SREBF2: variants seen among roughly 807,000 people sequenced by gnomAD.
SREBF2 encodes the protein sterol regulatory element binding transcription factor 2, also known as sterol regulatory element-binding protein 2.
In SREBF2, 55 loss-of-function variants were observed where a neutral mutation model predicts 113.1. The ratio of observed to expected loss-of-function variants is 0.49; its 90% CI spans 0.39 to 0.61. The LOEUF is 0.61. Among genes scored for constraint, SREBF2 ranks in the 20% least tolerant of loss-of-function variants. The pLI, the probability that SREBF2 is intolerant of heterozygous loss-of-function variation, is 0.00. For synonymous variants in SREBF2, 593 were observed against 605.7 expected (o/e 0.98, Z 0.31); for missense variants, 1,349 against 1,487.4 (o/e 0.91, Z 1.53).
chr22:41,899,528 C>G, intron 15 of SREBF2: 4 of 991,904 alleles, frequency 4.0e-6, no homozygotes, highest in Non-Finnish European at 4.8e-6. Context: ...GACCCTTAAC[C>G]GGCGCACAGG....
At chr22:41,901,908 G>C (rs558528832) in intron 16 of SREBF2, among the ~76,000 whole-genome samples, 26 of 152,250 alleles carry the variant, frequency 1.7e-4, no homozygotes, top group Non-Finnish European at 3.4e-4. Context: ...CATGCAGCCT[G>C]ATGGCCCTCG....
chr22:41,896,764 G>A (rs962379898), intron 13 of SREBF2, among the ~76,000 whole-genome samples: 1 of 152,248 alleles, frequency 6.6e-6, no homozygotes, highest in Non-Finnish European at 1.5e-5. Context: ...GGGAGGAGAT[G>A]ACACTGGACT....
At chr22:41,867,524 C>T (rs1485254776) in intron 2 of SREBF2, among the ~76,000 whole-genome samples, 1 of 152,186 alleles carries the variant, frequency 6.6e-6, no homozygotes, top group Non-Finnish European at 1.5e-5. Context: ...ATCCAGCAAG[C>T]GGCCGGGCGC....
intron 1 of SREBF2, among the ~76,000 whole-genome samples, chr22:41,834,821 G>C (rs1261241624): frequency 6.6e-6 from 1 of 152,138 alleles, no homozygotes; most frequent in African/African-American, 2.4e-5. Context: ...GGGTAGGTGG[G>C]GGTTGGGAAC....
intron 1 of SREBF2, among the ~76,000 whole-genome samples, chr22:41,838,712 G>C (rs1335540314): frequency 1.3e-5 from 2 of 152,144 alleles, no homozygotes; most frequent in East Asian, 3.8e-4. Flanking sequence ...CAGCCTAGGT[G>C]ACAGAGCAAG....
intron 12 of SREBF2, 101 bp downstream of exon 12, chr22:41,893,386 T>C: frequency 7.5e-7 from 1 of 1,333,774 alleles, no homozygotes. Flanking sequence ...GGTTGTCTCT[T>C]AATCTTGTTG....
intron 16 of SREBF2, among the ~76,000 whole-genome samples, chr22:41,901,550 A>T (rs1207317320): frequency 1.3e-5 from 2 of 152,100 alleles, no homozygotes; most frequent in East Asian, 3.8e-4. Context: ...AATCCCAGCT[A>T]CTCAGGAGGC....
chr22:41,876,008 G>T (rs1404544216), intron 7 of SREBF2, among the ~76,000 whole-genome samples: 1 of 152,244 alleles, frequency 6.6e-6, no homozygotes, highest in African/African-American at 2.4e-5. Context: ...TGTTGTGGGG[G>T]CGTTGGGAGC....
At chr22:41,852,025 G>A (rs992242029) in intron 1 of SREBF2, among the ~76,000 whole-genome samples, 1 of 151,978 alleles carries the variant, frequency 6.6e-6, no homozygotes, top group Non-Finnish European at 1.5e-5. Context: ...GGAGGCTGAG[G>A]CAGGAGAATG....
intron 15 of SREBF2, chr22:41,899,411 C>T: frequency 1.0e-6 from 1 of 1,002,896 alleles, no homozygotes; most frequent in Non-Finnish European, 1.2e-6. Flanking sequence ...CCGGCTGTTT[C>T]TAATTGGATC....
rs1349380713 is a variant in SREBF2 at position 41,905,458 on chromosome 22, C to T, written c.3224C>T (p.Pro1075Leu). The T allele has an allele frequency of 1.3e-6, 2 of 1,576,612 alleles. No homozygotes were observed. The highest frequency in any genetic ancestry group is 1.7e-6 in the Non-Finnish European group (2 of 1,162,406). Residue 1075 changes from proline to leucine, a missense_variant, in exon 19 of 19, where the codon CCC becomes CTC. Physicochemically the swap from Pro to Leu is moderately conservative, Grantham distance 98 (BLOSUM62 -3). This residue lies in a region of SREBF2 where 650 missense variants were observed against 644.1 expected (regional missense o/e 1.01). Coordinates refer to ENST00000361204, the MANE Select transcript of SREBF2 (RefSeq NM_004599.4). Reference protein sequence around the residue: ...STKHGEVDAWPGQRERATAIL... With the variant: ...STKHGEVDAWLGQRERATAIL... ...CCCACAGGAGAGGTGGATGCCTGGCCCGGCCAGCGAGAGCGGGCCACCGCC... is the reference window on the plus strand; with the variant it reads ...CCCACAGGAGAGGTGGATGCCTGGCTCGGCCAGCGAGAGCGGGCCACCGCC...
At chr22:41,863,447 G>A (rs1475351630) in intron 1 of SREBF2, among the ~76,000 whole-genome samples, 1 of 152,134 alleles carries the variant, frequency 6.6e-6, no homozygotes, top group East Asian at 1.9e-4. Flanking sequence ...GGGATTTTGG[G>A]GGAATTCTAA....
intron 1 of SREBF2, among the ~76,000 whole-genome samples, chr22:41,846,759 C>T (rs1369811632): frequency 6.6e-6 from 1 of 152,172 alleles, no homozygotes; most frequent in African/African-American, 2.4e-5. Flanking sequence ...AATTTATAAA[C>T]CCTTTTCATC....
At position 41,868,781 on chromosome 22, in the gene SREBF2, C is replaced by G. The variant is rs748546477; in HGVS notation, c.709C>G (p.Gln237Glu). ...GCAGACAGTTGCTGCGCCACAGGTG[C>G]AGCAGGTCCCGGTAAGTGGCTGGAA... ...TVQTVAAPQV[Q>E]QVPVLVQPQI... Residue 237 changes from glutamine (Q) to glutamate (E), a missense_variant, in exon 3 of 19, where the codon CAG becomes GAG. Coordinates refer to ENST00000361204, the MANE Select transcript of SREBF2 (RefSeq NM_004599.4). 1.2e-5 allele frequency: 20 copies of G among 1,610,896 alleles called. No individual in the cohort carries two copies. Among genetic ancestry groups the G allele is most frequent in the Non-Finnish European group, 1.7e-5 (20 of 1,178,634 alleles).
At chr22:41,875,825 G>A in intron 7 of SREBF2, 101 bp downstream of exon 7, 1 of 1,345,560 alleles carries the variant, frequency 7.4e-7, no homozygotes, top group Non-Finnish European at 1.1e-6. Flanking sequence ...CATGTTAAGA[G>A]GGCCTAGCCT....
chr22:41,899,947 GT>G, intron 15 of SREBF2: 3 of 1,180,432 alleles, frequency 2.5e-6, no homozygotes, highest in Non-Finnish European at 3.2e-6. Flanking sequence ...TCTCCAGAGA[GT>G]TTAATACCAC....
At chr22:41,872,710 A>T (rs1009126063) in intron 4 of SREBF2, among the ~76,000 whole-genome samples, 1 of 147,552 alleles carries the variant, frequency 6.8e-6, no homozygotes, top group South Asian at 2.1e-4. Context: ...GGCCAACATG[A>T]TGAAATCCCA....
chr22:41,871,221 C>T (rs2077137854), intron 4 of SREBF2, among the ~76,000 whole-genome samples, 186 bp downstream of exon 4: 1 of 152,136 alleles, frequency 6.6e-6, no homozygotes, highest in Non-Finnish European at 1.5e-5. Context: ...AATGTGTGTT[C>T]GATGTGGGAG....
At position 41,851,507 on chromosome 22, in the gene SREBF2, T is replaced by G. The variant is rs570242739; in HGVS notation, c.89-15324T>G. Among the ~76,000 whole-genome samples the G allele has an allele frequency of 1.5e-4, 23 of 151,998 alleles. No individual in the cohort carries two copies. In the East Asian group the frequency reaches 1.8e-3, roughly 12 times the overall value. ...AGTCTTTTTGTTTGTTTGTTTGTTT[T>G]TTTGAGATGAAGTCTTGCTCTTGTC... On this transcript the variant is annotated intron_variant, in intron 1 of 18. Coordinates refer to ENST00000361204, the MANE Select transcript of SREBF2 (RefSeq NM_004599.4).
Sources: allele counts gnomAD v4.1 joint callset (sites outside exome capture counted in the v4.1 genomes callset), GRCh38; gene constraint gnomAD v4.1.1; regional missense constraint gnomAD v4.1.1; transcripts MANE v1.5; gene names NCBI Gene and HGNC (gene_info 2026-07-23, HGNC 2026-07-21).